RBFOX1: variants seen among roughly 807,000 people sequenced by gnomAD.
RBFOX1 encodes the protein RNA binding protein fox-1 homolog 1.
A neutral mutation model predicts 57.7 loss-of-function variants in RBFOX1; 8 were observed. The ratio of observed to expected loss-of-function variants is 0.14; its 90% confidence interval spans 0.08 to 0.25. The LOEUF (loss-of-function observed/expected upper bound fraction) is 0.25. RBFOX1 is among the 10% of genes least tolerant of loss of function. The probability of loss-of-function intolerance (pLI) is 1.00; values close to 1 mark genes in which losing one functional copy is unlikely to be tolerated. For missense variants in RBFOX1, 611 were observed against 548.5 expected, an observed-to-expected ratio of 1.11 and a Z score of -1.14; for synonymous variants, 326 against 222.4, an observed-to-expected ratio of 1.47 and a Z score of -4.15.
chr16:6,296,963 C>T (rs1473094676), intron 1 of RBFOX1, among the ~76,000 whole-genome samples: 3 of 152,080 alleles, frequency 2.0e-5, no homozygotes, highest in African/African-American at 7.2e-5. Flanking sequence ...GAAAGTAGCC[C>T]CAAGGGCTAC....
intron 3 of RBFOX1, among the ~76,000 whole-genome samples, chr16:6,692,945 A>G (rs988752742): frequency 1.3e-5 from 2 of 150,418 alleles, no homozygotes; most frequent in Admixed American, 6.6e-5. Flanking sequence ...TATTATCAAC[A>G]TCATCCCCAT....
intron 1 of RBFOX1, among the ~76,000 whole-genome samples, chr16:5,277,932 C>G (rs953039931): frequency 1.2e-4 from 18 of 152,130 alleles, no homozygotes; most frequent in Admixed American, 8.5e-4. Context: ...CATATCTTGG[C>G]TATTGTAAAT....
chr16:7,648,877 C>T (rs2064321876), intron 11 of RBFOX1, among the ~76,000 whole-genome samples: 1 of 152,166 alleles, frequency 6.6e-6, no homozygotes, highest in African/African-American at 2.4e-5. Context: ...TCCAAGCAGC[C>T]TCCCCTTGCT....
chr16:5,565,472 A>G (rs2151117128), intron 2 of RBFOX1, among the ~76,000 whole-genome samples: 1 of 152,122 alleles, frequency 6.6e-6, no homozygotes, highest in Non-Finnish European at 1.5e-5. Flanking sequence ...CTAAAAATAC[A>G]AAATTAGCTG....
At chr16:5,304,833 A>AT (rs74661827) in intron 1 of RBFOX1, among the ~76,000 whole-genome samples, 95,143 of 151,746 alleles carry the variant, frequency 0.63, 30,527 homozygotes, top group Admixed American at 0.72. Flanking sequence ...ATATAAAGTG[A>AT]TTTTTTTCCC....
chr16:5,808,922 G>T (rs2055324426), intron 3 of RBFOX1, among the ~76,000 whole-genome samples: 1 of 152,106 alleles, frequency 6.6e-6, no homozygotes. Context: ...TCCTTCTCCT[G>T]CCTAATTTCC....
At chr16:7,137,485 G>A (rs112273404) in intron 4 of RBFOX1, among the ~76,000 whole-genome samples, 2 of 152,122 alleles carry the variant, frequency 1.3e-5, no homozygotes, top group African/African-American at 4.8e-5. Context: ...TCTCTTGCCC[G>A]CTGCCAATGT....
intron 4 of RBFOX1, among the ~76,000 whole-genome samples, chr16:5,982,994 G>T (rs2060203597): frequency 6.6e-6 from 1 of 152,202 alleles, no homozygotes; most frequent in Non-Finnish European, 1.5e-5. Flanking sequence ...CTCTGCCTCA[G>T]TTTCCTCCTC....
chr16:5,470,287 C>T (rs777794216), intron 2 of RBFOX1, among the ~76,000 whole-genome samples: 2 of 152,098 alleles, frequency 1.3e-5, no homozygotes, highest in African/African-American at 4.8e-5. Context: ...GGTAGGAGAT[C>T]GAGGGAAGGG....
At chr16:5,385,890 G>C (rs2151403389) in intron 1 of RBFOX1, among the ~76,000 whole-genome samples, 1 of 152,288 alleles carries the variant, frequency 6.6e-6, no homozygotes, top group African/African-American at 2.4e-5. Flanking sequence ...TCTTTTGCTG[G>C]AGAGACAAGT....
chr16:5,284,668 A>T (rs777365723), intron 1 of RBFOX1, among the ~76,000 whole-genome samples: 2 of 141,548 alleles, frequency 1.4e-5, no homozygotes, highest in African/African-American at 5.3e-5. Context: ...CAGTCTTCTG[A>T]TTCTCTGGAA....
intron 2 of RBFOX1, among the ~76,000 whole-genome samples, chr16:6,554,339 G>C (rs184968075): frequency 1.4e-4 from 21 of 152,254 alleles, no homozygotes; most frequent in African/African-American, 4.6e-4. Context: ...GTTGGGAATA[G>C]GCAAGTCTAT....
rs117152370 is a variant in RBFOX1 at position 6,609,965 on chromosome 16, G to A, written c.-63-44638G>A. On this transcript the variant is annotated intron_variant, in intron 2 of 15. Transcript: ENST00000550418. Reference sequence around the variant, plus strand: ...GGAGGTTGCCGTGAGCCGAGATCACGCCATTGCACTCCAGGCCTGGCAGTA... The same window carrying A: ...GGAGGTTGCCGTGAGCCGAGATCACACCATTGCACTCCAGGCCTGGCAGTA... Among the ~76,000 whole-genome samples, 894 of 152,052 alleles carry A rather than the reference G, an allele frequency of 5.9e-3. 9 individuals carry two copies. The highest frequency in any genetic ancestry group is 8.4e-3 in the Non-Finnish European group (573 of 68,000).
At chr16:7,368,502 G>T (rs1376387708) in intron 4 of RBFOX1, among the ~76,000 whole-genome samples, 3 of 151,988 alleles carry the variant, frequency 2.0e-5, no homozygotes, top group Non-Finnish European at 4.4e-5. Flanking sequence ...ATTGGAGCCG[G>T]GAACAGTGGC....
At chr16:6,177,462 T>C (rs1215251751) in intron 1 of RBFOX1, among the ~76,000 whole-genome samples, 3 of 152,136 alleles carry the variant, frequency 2.0e-5, no homozygotes, top group Non-Finnish European at 4.4e-5. Context: ...GTGCATATCA[T>C]GTGAATGGAA....
At chr16:6,296,522 G>T (rs565665405) in intron 1 of RBFOX1, among the ~76,000 whole-genome samples, 2 of 151,902 alleles carry the variant, frequency 1.3e-5, no homozygotes, top group African/African-American at 4.8e-5. Context: ...CCGGGTTCAG[G>T]CCATTCTCCT....
rs2090954067 is a variant in RBFOX1, at chr16:7,563,570, C to A, written c.271-16207C>A. Among the ~76,000 whole-genome samples, 3 of 152,150 alleles carry A rather than the reference C, an allele frequency of 2.0e-5. No individual in the cohort carries two copies. In the South Asian group the frequency reaches 6.2e-4, roughly 32 times the overall value. ...GCAACCTCTGCCTCCCGGGTTCAGG[C>A]AATTCTCCTGCCTCAGCCTCCATAG... On this transcript the variant is annotated intron_variant, in intron 5 of 15. Transcript: ENST00000550418.
chr16:6,165,256 A>G (rs1485592031), intron 1 of RBFOX1, among the ~76,000 whole-genome samples: 2 of 152,218 alleles, frequency 1.3e-5, no homozygotes, highest in Non-Finnish European at 2.9e-5. Flanking sequence ...CAAGTGCTTA[A>G]TAAATGACAG....
intron 1 of RBFOX1, among the ~76,000 whole-genome samples, chr16:6,274,297 T>G (rs2075554884): frequency 6.6e-6 from 1 of 152,190 alleles, no homozygotes; most frequent in African/African-American, 2.4e-5. Context: ...GGGAACAGCC[T>G]ACATATATTT....
Sources: gnomAD v4.1 joint callset for allele counts (sites outside exome capture counted in the v4.1 genomes callset) on GRCh38, gnomAD v4.1.1 for gene constraint, MANE v1.5 for transcripts, NCBI Gene and HGNC (gene_info 2026-07-23, HGNC 2026-07-21) for gene names.